The following TNR variants were observed in gnomAD, a reference collection of about 807,000 sequenced individuals.
TNR encodes the protein tenascin-R.
In TNR, 45 loss-of-function variants were observed where a neutral mutation model predicts 150.4. That is an observed-to-expected ratio of 0.30 (90% CI 0.24 to 0.38). The LOEUF (loss-of-function observed/expected upper bound fraction) is 0.38. Among genes scored for constraint, TNR ranks in the 10% least tolerant of loss-of-function variants. TNR has a pLI of 1.00. For synonymous variants in TNR, 687 were observed against 678.4 expected, an observed-to-expected ratio of 1.01 and a Z score of -0.20; for missense variants, 1,544 against 1,759.1, an observed-to-expected ratio of 0.88 and a Z score of 2.19.
chr1:175,669,336 A>G (rs1665625977), intron 1 of TNR, among the ~76,000 whole-genome samples: 1 of 152,212 alleles, frequency 6.6e-6, no homozygotes, highest in South Asian at 2.1e-4. Flanking sequence ...AACATGGTTG[A>G]TGAATGAACA....
chr1:175,408,213 G>A lies in TNR; in HGVS notation c.-63-1436C>T, dbSNP rs117411453. ...CGTGTCTTATCTGCAATGTGTGACCGTCGCTTCAGGACGGCGAGAGTGCTC... is the reference window on the plus strand; with the variant it reads ...CGTGTCTTATCTGCAATGTGTGACCATCGCTTCAGGACGGCGAGAGTGCTC... On this transcript the variant is annotated intron_variant, in intron 2 of 22. Transcript: ENST00000367674. Among the ~76,000 whole-genome samples the A allele has an allele frequency of 7.0e-4, 106 of 152,304 alleles. No homozygotes were observed. The East Asian group carries it at 0.011, about 16-fold the overall frequency.
At chr1:175,719,002 C>T (rs906645585) in intron 1 of TNR, among the ~76,000 whole-genome samples, 5 of 152,194 alleles carry the variant, frequency 3.3e-5, no homozygotes, top group Non-Finnish European at 7.3e-5. Flanking sequence ...AAGAAGGTCC[C>T]TTGAAGCTGC....
chr1:175,338,916 C>T (rs1219453798), intron 18 of TNR, among the ~76,000 whole-genome samples: 1 of 152,206 alleles, frequency 6.6e-6, no homozygotes, highest in Non-Finnish European at 1.5e-5. Context: ...CCAGGACTGC[C>T]CTTCAACTTG....
At chr1:175,373,376 T>G (rs1652195210) in intron 9 of TNR, among the ~76,000 whole-genome samples, 1 of 152,176 alleles carries the variant, frequency 6.6e-6, no homozygotes, top group African/African-American at 2.4e-5. Flanking sequence ...TCACACCAGA[T>G]AGGCACCAAT....
chr1:175,524,797 G>A (rs60128268), intron 2 of TNR, among the ~76,000 whole-genome samples: 4,202 of 152,296 alleles, frequency 0.028, 86 homozygotes, highest in African/African-American at 0.056. Flanking sequence ...GATGTTGAGA[G>A]CAAACACAAG....
In TNR at chr1:175,331,498, C is replaced by T. The variant is rs568122621; in HGVS notation, c.3632-1263G>A. Reference sequence around the variant, plus strand: ...CAGGATGGTCTCGATCTCCTGACCTCGTGATCTGCCCGCCTCAGCCTCTCA... The same window carrying T: ...CAGGATGGTCTCGATCTCCTGACCTTGTGATCTGCCCGCCTCAGCCTCTCA... On this transcript the variant is annotated intron_variant, in intron 20 of 22. Coordinates refer to ENST00000367674, the MANE Select transcript of TNR (RefSeq NM_003285.3). Among the ~76,000 whole-genome samples, 33 of 152,140 alleles carry T rather than the reference C, an allele frequency of 2.2e-4. No individual in the cohort carries two copies. In the East Asian group the frequency reaches 3.3e-3, roughly 15 times the overall value.
At chr1:175,389,363 A>G (rs1203973561) in intron 7 of TNR, among the ~76,000 whole-genome samples, 1 of 152,196 alleles carries the variant, frequency 6.6e-6, no homozygotes, top group Non-Finnish European at 1.5e-5. Flanking sequence ...CATAAAACCT[A>G]GAAAGGTAAC....
At chr1:175,574,586 T>C (rs1217155645) in intron 1 of TNR, among the ~76,000 whole-genome samples, 3 of 151,168 alleles carry the variant, frequency 2.0e-5, no homozygotes, top group Non-Finnish European at 3.0e-5. Context: ...CACTTGTACA[T>C]ACACACACAC....
At chr1:175,490,449 G>C (rs2102138275) in intron 2 of TNR, among the ~76,000 whole-genome samples, 1 of 152,220 alleles carries the variant, frequency 6.6e-6, no homozygotes, top group Admixed American at 6.5e-5. Context: ...CTACTGAATG[G>C]GAGAAAATTT....
chr1:175,714,253 T>G (rs776914567), intron 1 of TNR, among the ~76,000 whole-genome samples: 1 of 152,046 alleles, frequency 6.6e-6, no homozygotes, highest in Non-Finnish European at 1.5e-5. Flanking sequence ...CTTTCTGCCT[T>G]CCCATATCTG....
At chr1:175,727,953 T>A (rs1304462934) in intron 1 of TNR, among the ~76,000 whole-genome samples, 1 of 152,212 alleles carries the variant, frequency 6.6e-6, no homozygotes, top group East Asian at 1.9e-4. Flanking sequence ...TATAGTGAGT[T>A]TGCCAGACTA....
intron 2 of TNR, among the ~76,000 whole-genome samples, chr1:175,463,505 G>C (rs1656906122): frequency 6.6e-6 from 1 of 152,198 alleles, no homozygotes; most frequent in Non-Finnish European, 1.5e-5. Flanking sequence ...TTCATTCTCA[G>C]CCTAGGTGCC....
chr1:175,500,029 C>T (rs1406619321), intron 2 of TNR, among the ~76,000 whole-genome samples: 1 of 152,190 alleles, frequency 6.6e-6, no homozygotes, highest in East Asian at 1.9e-4. Context: ...GTCTCTCCTG[C>T]CCCCGCATAT....
intron 1 of TNR, among the ~76,000 whole-genome samples, chr1:175,548,232 T>G (rs1660790919): frequency 1.3e-5 from 2 of 152,060 alleles, no homozygotes; most frequent in South Asian, 4.1e-4. Context: ...TGTCTACAGT[T>G]TTAGAACCCT....
chr1:175,472,421 A>G (rs1657337669), intron 2 of TNR, among the ~76,000 whole-genome samples: 1 of 152,248 alleles, frequency 6.6e-6, no homozygotes, highest in Non-Finnish European at 1.5e-5. Flanking sequence ...TATATAAAAT[A>G]GTAACATAGC....
intron 1 of TNR, among the ~76,000 whole-genome samples, chr1:175,720,771 C>T (rs539820973): frequency 6.2e-4 from 95 of 152,306 alleles, no homozygotes; most frequent in African/African-American, 2.0e-3. Flanking sequence ...GAGGATTACG[C>T]CTCAATCCAG....
At chr1:175,705,311 T>A (rs986223839) in intron 1 of TNR, among the ~76,000 whole-genome samples, 24 of 152,188 alleles carry the variant, frequency 1.6e-4, no homozygotes, top group African/African-American at 5.5e-4. Flanking sequence ...TTTTAAAATG[T>A]ATGCTGAATT....
chr1:175,523,102 G>C (rs1659708311), intron 2 of TNR, among the ~76,000 whole-genome samples: 2 of 152,104 alleles, frequency 1.3e-5, no homozygotes, highest in South Asian at 4.2e-4. Context: ...ATTTGTACAT[G>C]GTTTTCATAT....
At chr1:175,392,447 T>C (rs550570456) in intron 6 of TNR, among the ~76,000 whole-genome samples, 2 of 152,336 alleles carry the variant, frequency 1.3e-5, no homozygotes, top group South Asian at 4.1e-4. Flanking sequence ...ACCTTGGCAT[T>C]CCCTGGTCAG....
Sources: gnomAD v4.1 joint callset for allele counts (sites outside exome capture counted in the v4.1 genomes callset) on GRCh38, gnomAD v4.1.1 for gene constraint, MANE v1.5 for transcripts, NCBI Gene and HGNC (gene_info 2026-07-23, HGNC 2026-07-21) for gene names.